Variants in ABCC2 observed in about 807,000 individuals in gnomAD.
The protein encoded by ABCC2 is ATP binding cassette subfamily C member 2.
Under a neutral mutation model 173.4 loss-of-function variants are expected in ABCC2, and 157 were observed. The ratio of observed to expected loss-of-function variants is 0.91; its 90% CI spans 0.80 to 1.03. The LOEUF (loss-of-function observed/expected upper bound fraction) is 1.03. Among genes scored for constraint, ABCC2 ranks in the 50% least tolerant of loss-of-function variants. ABCC2 has a pLI of 0.00. For synonymous variants in ABCC2, 657 were observed against 693.5 expected, an observed-to-expected ratio of 0.95 and a Z score of 0.83; for missense variants, 1,822 against 1,852.3, an observed-to-expected ratio of 0.98 and a Z score of 0.30.
rs764007755 is a variant in ABCC2, at chr10:99,814,648, T to TAC, written c.2094+1512_2094+1513dup. On this transcript the variant is annotated intron_variant, in intron 16 of 31. Coordinates refer to ENST00000647814, the MANE Select transcript of ABCC2 (RefSeq NM_000392.5). ...ACACACATATGTGTATATACACATA[T>TAC]ACACACACATATGTGTATATACACA... Among the ~76,000 whole-genome samples, 13 of 85,962 alleles carry TAC rather than the reference T, an allele frequency of 1.5e-4. 4 individuals carry two copies. Among genetic ancestry groups the TAC allele is most frequent in the African/African-American group, 8.0e-4 (13 of 16,278 alleles). 56.4% of individuals were successfully genotyped at this position (85,962 alleles called of 152,430 possible). A position where few individuals can be genotyped will look rare whatever the true frequency, so the allele number is the denominator to read the frequency against.
At position 99,852,272 on chromosome 10, in the gene ABCC2, T is replaced by C. The variant is rs552525967; in HGVS notation, c.*641T>C. The C allele has an allele frequency of 1.5e-3, 229 of 152,506 alleles. No homozygotes were observed. The highest frequency in any genetic ancestry group is 2.8e-3 in the Non-Finnish European group (194 of 68,166). The allele number at this position is 152,506 out of a possible 1,614,324, so 9.4% of individuals were successfully genotyped here. On this transcript the variant is annotated 3_prime_UTR_variant, in exon 32 of 32. Coordinates refer to ENST00000647814, the MANE Select transcript of ABCC2 (RefSeq NM_000392.5). ...CTAGGAATGGAGGGTATGAACATGT[T>C]TACATGCACAAACTAGCTGATGCCA...
chr10:99,784,553 G>A, intron 1 of ABCC2, 55 bp from the exon 2 acceptor site: 1 of 1,570,130 alleles, frequency 6.4e-7, no homozygotes. Flanking sequence ...GCTGCAGGGT[G>A]GTTTTCTGTC....
chr10:99,814,391 A>G (rs1456555622), intron 16 of ABCC2, among the ~76,000 whole-genome samples: 1 of 144,224 alleles, frequency 6.9e-6, no homozygotes, highest in African/African-American at 2.5e-5. Context: ...ATATACATAT[A>G]TGGGTATATA....
intron 3 of ABCC2, among the ~76,000 whole-genome samples, chr10:99,792,565 CTAGGT>C (rs2037827781): frequency 6.6e-6 from 1 of 152,162 alleles, no homozygotes; most frequent in Non-Finnish European, 1.5e-5. Flanking sequence ...AGGCTTCTTC[CTAGGT>C]TAAGTATTAG....
intron 8 of ABCC2, among the ~76,000 whole-genome samples, chr10:99,799,668 C>T (rs2037980239): frequency 6.6e-6 from 1 of 152,086 alleles, no homozygotes; most frequent in Non-Finnish European, 1.5e-5. Flanking sequence ...ATCCAAGTGG[C>T]GGGTAGCATA....
At chr10:99,843,291 ACT>A (rs2082413016) in intron 26 of ABCC2, among the ~76,000 whole-genome samples, 1 of 152,234 alleles carries the variant, frequency 6.6e-6, no homozygotes, top group Admixed American at 6.5e-5. Flanking sequence ...CAAAGTGGAT[ACT>A]CTGAGTCCCC....
At chr10:99,800,133 G>A (rs954863686) in intron 8 of ABCC2, among the ~76,000 whole-genome samples, 2 of 152,198 alleles carry the variant, frequency 1.3e-5, no homozygotes, top group Non-Finnish European at 2.9e-5. Context: ...CCAGGAGTTC[G>A]AGGCTTAATG....
At chr10:99,828,040 G>A (rs1267573109) in intron 19 of ABCC2, among the ~76,000 whole-genome samples, 3 of 148,620 alleles carry the variant, frequency 2.0e-5, no homozygotes, top group Non-Finnish European at 3.0e-5. Context: ...TAATGCTAGA[G>A]TTCTCTGAGT....
At chr10:99,844,535 C>G in intron 28 of ABCC2, 70 bp downstream of exon 28, 1 of 1,584,996 alleles carries the variant, frequency 6.3e-7, no homozygotes. Context: ...GAGTGGAGAG[C>G]AGCTGGGCCC....
At chr10:99,789,992 A>G (rs1469644194) in intron 2 of ABCC2, among the ~76,000 whole-genome samples, 2 of 152,208 alleles carry the variant, frequency 1.3e-5, no homozygotes, top group Admixed American at 6.5e-5. Context: ...TGAATGTACC[A>G]TAATTTATGT....
rs1474106913 is a variant in ABCC2 at position 99,784,589 on chromosome 10, C to T, written c.34-19C>T. 6.2e-7 allele frequency: 1 copy of T among 1,613,384 alleles called. No homozygotes were observed. The highest frequency in any genetic ancestry group is 1.7e-5 in the Admixed American group (1 of 60,028). ...TTCACAATGCATGTATGCAACAATC[C>T]TTCCCCTTTGGTCTCCAGAATTCCT... On this transcript the variant is annotated intron_variant, in intron 1 of 31. Coordinates refer to ENST00000647814, the MANE Select transcript of ABCC2 (RefSeq NM_000392.5).
intron 15 of ABCC2, among the ~76,000 whole-genome samples, chr10:99,812,443 C>G (rs1261987138): frequency 8.5e-5 from 13 of 152,180 alleles, no homozygotes; most frequent in Non-Finnish European, 1.5e-4. Flanking sequence ...ACACAGTTTC[C>G]GGGAACCTAT....
chr10:99,850,818 T>A (rs375127139), intron 31 of ABCC2, 22 bp downstream of exon 31: 4 of 1,613,666 alleles, frequency 2.5e-6, no homozygotes, highest in African/African-American at 2.7e-5. Flanking sequence ...GGGACAGGGC[T>A]TGACACGGAT....
chr10:99,830,684 C>T, intron 20 of ABCC2, 32 bp from the exon 21 acceptor site: 2 of 1,613,880 alleles, frequency 1.2e-6, no homozygotes, highest in Non-Finnish European at 1.7e-6. Flanking sequence ...TTGGGAATTG[C>T]CTGCATGCTC....
intron 16 of ABCC2, among the ~76,000 whole-genome samples, chr10:99,815,476 G>A (rs1026088526): frequency 1.2e-4 from 18 of 152,082 alleles, no homozygotes; most frequent in African/African-American, 4.3e-4. Flanking sequence ...GATTATATGG[G>A]TAAGCCACTG....
chr10:99,835,233 C>T (rs2038801392), intron 24 of ABCC2, among the ~76,000 whole-genome samples: 1 of 152,176 alleles, frequency 6.6e-6, no homozygotes, highest in Non-Finnish European at 1.5e-5. Context: ...ATCAGGGGCT[C>T]GTGGCCTTGT....
At position 99,836,339 on chromosome 10, in the gene ABCC2, T is replaced by C; in HGVS notation, c.3614+49T>C. ...CCCATGTGTGTACTTTGGGGTTCTA[T>C]ATGTTTGATATTAGCGGTGGGAGGG... On this transcript the variant is annotated intron_variant, in intron 25 of 31. Coordinates refer to ENST00000647814, the MANE Select transcript of ABCC2 (RefSeq NM_000392.5). The C allele has an allele frequency of 3.8e-6, 6 of 1,592,446 alleles. No individual in the cohort carries two copies. The South Asian group carries it at 5.5e-5, about 15-fold the overall frequency.
In ABCC2 at chr10:99,811,475, G is replaced by T. The variant is rs199907444; in HGVS notation, c.1901-61G>T. 6 of 1,541,576 alleles carry T rather than the reference G, an allele frequency of 3.9e-6. No individual in the cohort carries two copies. In the African/African-American group the frequency reaches 4.1e-5, roughly 11 times the overall value. On this transcript the variant is annotated intron_variant, in intron 14 of 31. Transcript: ENST00000647814. ...TGATGGAGAAAGCGGAGAGAGACACGTGAGGGCAGACAGTCACGTGGGGAC... is the reference window on the plus strand; with the variant it reads ...TGATGGAGAAAGCGGAGAGAGACACTTGAGGGCAGACAGTCACGTGGGGAC...
At chr10:99,813,292 T>C in intron 16 of ABCC2, 148 bp downstream of exon 16, 1 of 1,162,490 alleles carries the variant, frequency 8.6e-7, no homozygotes, top group Non-Finnish European at 1.2e-6. Context: ...CTCCTTCCCA[T>C]TTCAGCTTTA....
Sources: allele counts gnomAD v4.1 joint callset (sites outside exome capture counted in the v4.1 genomes callset), GRCh38; gene constraint gnomAD v4.1.1; transcripts MANE v1.5; gene names NCBI Gene and HGNC (gene_info 2026-07-23, HGNC 2026-07-21).